The following NR4A3 variants were observed in gnomAD, a reference collection of about 807,000 sequenced individuals.
NR4A3 encodes nuclear receptor subfamily 4 group A member 3.
Under a neutral mutation model 55.6 loss-of-function variants are expected in NR4A3, and 13 were observed. That is an observed-to-expected ratio of 0.23 (90% CI 0.15 to 0.37). The LOEUF (loss-of-function observed/expected upper bound fraction) is 0.37. NR4A3 is among the 10% of genes least tolerant of loss of function. The probability of loss-of-function intolerance (pLI) is 1.00; values close to 1 mark genes in which losing one functional copy is unlikely to be tolerated. For missense variants in NR4A3, 646 were observed against 822.8 expected (o/e 0.79, Z 2.63); for synonymous variants, 342 against 357.9 (o/e 0.96, Z 0.50).
Position 99,828,021 on chromosome 9 carries a change from C to T in NR4A3, c.-2-20C>T. 2 of 1,598,396 alleles carry T rather than the reference C, an allele frequency of 1.3e-6. No homozygotes were observed. Among genetic ancestry groups the T allele is most frequent in the Non-Finnish European group, 1.7e-6 (2 of 1,171,120 alleles). On this transcript the variant is annotated intron_variant, in intron 2 of 7. Transcript: ENST00000395097. The surrounding 1 kb of genome is among the most constrained non-coding windows in gnomAD (Gnocchi z 7.7). ...AAGTGTTAACTTGCTTCTGAGAGAC[C>T]CTTTTCTCTGTCCCTGCAGATATGC...
intron 7 of NR4A3, among the ~76,000 whole-genome samples, chr9:99,861,867 G>T (rs1828013788): frequency 6.6e-6 from 1 of 152,066 alleles, no homozygotes; most frequent in Admixed American, 6.6e-5. Flanking sequence ...GAGGCAGGAG[G>T]ATCACTTGAG....
chr9:99,830,335 G>A (rs887105230), intron 3 of NR4A3, among the ~76,000 whole-genome samples: 1 of 152,196 alleles, frequency 6.6e-6, no homozygotes, highest in Non-Finnish European at 1.5e-5. Context: ...ATAAAACTCA[G>A]AGAAGAGCTG....
In NR4A3 at chr9:99,833,135, A is replaced by G. The variant is rs1179357442; in HGVS notation, c.1082-147A>G. The G allele has an allele frequency of 2.8e-6, 3 of 1,058,932 alleles. No homozygotes were observed. In the African/African-American group the frequency reaches 4.8e-5, roughly 17 times the overall value. 65.6% of individuals were successfully genotyped at this position (1,058,932 alleles called of 1,614,324 possible). A position where few individuals can be genotyped will look rare whatever the true frequency, so the allele number is the denominator to read the frequency against. On this transcript the variant is annotated intron_variant, in intron 4 of 7. Coordinates refer to ENST00000395097, the MANE Select transcript of NR4A3 (RefSeq NM_006981.4). ...CAACTCTCATGAAATCATTGTGTGA[A>G]TATTATTCCAAACTTATTACCACTT...
At chr9:99,826,936 C>CT in intron 2 of NR4A3, 1 of 665,968 alleles carries the variant, frequency 1.5e-6, no homozygotes, top group Non-Finnish European at 2.6e-6. Context: ...CAAAAACCGC[C>CT]GTTTTTTACC....
rs533294090 is a variant in NR4A3 at position 99,862,955 on chromosome 9, T to C, written c.1634-665T>C. Among the ~76,000 whole-genome samples the C allele has an allele frequency of 2.6e-5, 4 of 152,190 alleles. No individual in the cohort carries two copies. In the South Asian group the frequency reaches 8.3e-4, roughly 32 times the overall value. ...TGTATTTTGTACAGAGTGCCAGGTG[T>C]AGGTCAACAGGGGTTTCAAGTGGGG... On this transcript the variant is annotated intron_variant, in intron 7 of 7. Coordinates refer to ENST00000395097, the MANE Select transcript of NR4A3 (RefSeq NM_006981.4).
At chr9:99,856,615 C>T (rs1231084518) in intron 7 of NR4A3, among the ~76,000 whole-genome samples, 1 of 152,196 alleles carries the variant, frequency 6.6e-6, no homozygotes, top group East Asian at 1.9e-4. Context: ...AATAAGCTGC[C>T]TTGAGGAGTG....
intron 6 of NR4A3, 32 bp from the exon 7 acceptor site, chr9:99,847,405 T>G: frequency 1.2e-6 from 2 of 1,603,308 alleles, no homozygotes; most frequent in Non-Finnish European, 1.7e-6. Context: ...TGAACAGACC[T>G]GTTTAATGTT....
At chr9:99,844,074 A>C (rs1827710548) in intron 5 of NR4A3, among the ~76,000 whole-genome samples, 1 of 147,280 alleles carries the variant, frequency 6.8e-6, no homozygotes, top group East Asian at 2.0e-4. Context: ...CGAAATTATC[A>C]CTTCTAACAC....
intron 2 of NR4A3, 82 bp from the exon 3 acceptor site, chr9:99,827,959 G>A (rs948809974): frequency 4.7e-6 from 7 of 1,488,882 alleles, no homozygotes; most frequent in Non-Finnish European, 4.6e-6. Context: ...CCAGATTAGA[G>A]AACAGTGAAC....
Position 99,828,996 on chromosome 9 carries a change from G to C in NR4A3, c.951+3G>C. On this transcript the variant is annotated splice_donor_region_variant and intron_variant, in intron 3 of 7. Coordinates refer to ENST00000395097, the MANE Select transcript of NR4A3 (RefSeq NM_006981.4). This position sits in a 1 kb window ranked among gnomAD's most constrained non-coding sequence, Gnocchi z 7.7. The stretch of plus-strand genomic sequence containing the variant: ...AGGGCTGCAAGGGCTTTTTCAAGGT[G>C]AGCGCACGCCGCCCCCTCCCCTCCG... 7.4e-7 allele frequency: 1 copy of C among 1,347,254 alleles called. No homozygotes were observed. The highest frequency in any genetic ancestry group is 9.5e-7 in the Non-Finnish European group (1 of 1,047,652). The allele number at this position is 1,347,254 out of a possible 1,614,324, so 83.5% of individuals were successfully genotyped here.
intron 1 of NR4A3, among the ~76,000 whole-genome samples, chr9:99,824,920 T>G (rs1183320300): frequency 6.6e-6 from 1 of 152,170 alleles, no homozygotes; most frequent in East Asian, 1.9e-4. Context: ...CCGCCCACCC[T>G]CGAAGACACC....
intron 5 of NR4A3, among the ~76,000 whole-genome samples, chr9:99,841,994 G>C (rs866588424): frequency 6.6e-6 from 1 of 151,966 alleles, no homozygotes; most frequent in Non-Finnish European, 1.5e-5. Flanking sequence ...TTTGAGGAAG[G>C]TATCCCCATT....
intron 7 of NR4A3, among the ~76,000 whole-genome samples, chr9:99,861,291 G>T (rs552792813): frequency 6.6e-6 from 1 of 152,334 alleles, no homozygotes; most frequent in South Asian, 2.1e-4. Flanking sequence ...AGGCCAAGGT[G>T]GGTGGCTCAC....
At chr9:99,834,186 A>T (rs966942453) in intron 5 of NR4A3, 7 of 304,012 alleles carry the variant, frequency 2.3e-5, no homozygotes, top group African/African-American at 1.1e-4. Context: ...TTCATATGGG[A>T]TATAGTAAAA....
At position 99,864,975 on chromosome 9, in the gene NR4A3, T is replaced by TCTA. The variant is rs67738416; in HGVS notation, c.*1110_*1111insACT. 5.9e-5 allele frequency: 3 copies of TCTA among 51,168 alleles called. No homozygotes were observed. The highest frequency in any genetic ancestry group is 6.8e-5 in the Non-Finnish European group (2 of 29,236). 3.2% of individuals were successfully genotyped at this position (51,168 alleles called of 1,614,324 possible). On this transcript the variant is annotated 3_prime_UTR_variant, in exon 8 of 8. Transcript: ENST00000395097. ...GAGACAATTTTGGAGAGCAAGCAAA[T>TCTA]CTTTTTAAAAAATAGTATGAATGTG...
intron 7 of NR4A3, among the ~76,000 whole-genome samples, chr9:99,856,621 G>A (rs1274743493): frequency 1.3e-5 from 2 of 152,188 alleles, no homozygotes; most frequent in Admixed American, 6.5e-5. Context: ...CTGCCTTGAG[G>A]AGTGAGTTCC....
intron 1 of NR4A3, among the ~76,000 whole-genome samples, chr9:99,823,679 C>T (rs1447635951): frequency 2.0e-5 from 3 of 152,102 alleles, no homozygotes; most frequent in South Asian, 2.1e-4. Context: ...ACAAGATGCT[C>T]GCAGAGTTAG....
Position 99,825,093 on chromosome 9 carries a change from A to C in NR4A3, c.-176-566A>C, listed in dbSNP as rs1827269849. Among the ~76,000 whole-genome samples, 1 of 152,170 alleles carries C rather than the reference A, an allele frequency of 6.6e-6. No individual in the cohort carries two copies. Among genetic ancestry groups the C allele is most frequent in the Non-Finnish European group, 1.5e-5 (1 of 68,034 alleles). ...CGGCTAATAGAAGCGAAGCTCCATT[A>C]GCATTTAGAATGAAAAGCGCAGACT... On this transcript the variant is annotated intron_variant, in intron 1 of 7. Coordinates refer to ENST00000395097, the MANE Select transcript of NR4A3 (RefSeq NM_006981.4). The surrounding 1 kb of genome is among the most constrained non-coding windows in gnomAD (Gnocchi z 5.0).
At chr9:99,846,301 G>A (rs1211002118) in intron 6 of NR4A3, among the ~76,000 whole-genome samples, 1 of 152,204 alleles carries the variant, frequency 6.6e-6, no homozygotes, top group East Asian at 1.9e-4. Flanking sequence ...TGGGCACCAT[G>A]CATGGGCTTT....
Sources: allele counts gnomAD v4.1 joint callset (sites outside exome capture counted in the v4.1 genomes callset), GRCh38; gene constraint gnomAD v4.1.1; non-coding constraint Gnocchi (gnomAD v3.1); transcripts MANE v1.5; gene names NCBI Gene and HGNC (gene_info 2026-07-23, HGNC 2026-07-21).